USP24: variants seen among roughly 807,000 people sequenced by gnomAD.
USP24 encodes the protein ubiquitin specific peptidase 24.
USP24 carries 97 observed loss-of-function variants against 361.6 expected under a neutral mutation model. That is an observed-to-expected ratio of 0.27 (90% CI 0.23 to 0.32). USP24 has a LOEUF of 0.32. Among genes scored for constraint, USP24 ranks in the 10% least tolerant of loss-of-function variants. USP24 has a pLI of 1.00. For missense variants in USP24, 2,353 were observed against 3,165.6 expected, an observed-to-expected ratio of 0.74 and a Z score of 6.16; for synonymous variants, 1,098 against 1,124.6, an observed-to-expected ratio of 0.98 and a Z score of 0.47.
chr1:55,183,117 G>A (rs977821784), intron 1 of USP24, among the ~76,000 whole-genome samples: 1 of 152,062 alleles, frequency 6.6e-6, no homozygotes, highest in Non-Finnish European at 1.5e-5. Flanking sequence ...AAAACAACAT[G>A]GTATCCTGGA....
At chr1:55,191,514 G>A (rs548421206) in intron 1 of USP24, among the ~76,000 whole-genome samples, 1 of 128,878 alleles carries the variant, frequency 7.8e-6, no homozygotes, top group Non-Finnish European at 1.6e-5. Context: ...TTTTTGAGAT[G>A]GAGTCTCGCT....
chr1:55,117,986 G>A (rs1646170180), intron 38 of USP24, among the ~76,000 whole-genome samples: 6 of 152,152 alleles, frequency 3.9e-5, no homozygotes, highest in Admixed American at 3.9e-4. Flanking sequence ...AGAAATTAAA[G>A]ATGACATAAT....
chr1:55,196,890 G>A (rs1644434843), intron 1 of USP24, among the ~76,000 whole-genome samples: 1 of 152,178 alleles, frequency 6.6e-6, no homozygotes, highest in Admixed American at 6.5e-5. Flanking sequence ...TGCCAGCCCT[G>A]CTGCTACCCG....
intron 1 of USP24, among the ~76,000 whole-genome samples, chr1:55,182,967 C>T (rs1644019150): frequency 6.6e-6 from 1 of 152,262 alleles, no homozygotes; most frequent in Admixed American, 6.5e-5. Flanking sequence ...GATCTGCCCG[C>T]CTGGGCCTCC....
intron 26 of USP24, among the ~76,000 whole-genome samples, chr1:55,138,287 C>CA (rs1443254408): frequency 6.6e-6 from 1 of 152,154 alleles, no homozygotes; most frequent in East Asian, 1.9e-4. Context: ...AGTTTGTGCT[C>CA]AAATGTCACC....
intron 67 of USP24, chr1:55,071,338 A>T: frequency 3.0e-6 from 3 of 992,736 alleles, no homozygotes; most frequent in Non-Finnish European, 3.6e-6. Flanking sequence ...ATTGGTATTA[A>T]AGCTGTTTTT....
At chr1:55,159,721 A>C in intron 8 of USP24, 36 bp from the exon 9 acceptor site, 1 of 1,514,518 alleles carries the variant, frequency 6.6e-7, no homozygotes, top group Non-Finnish European at 9.0e-7. Context: ...AGAACTCCCG[A>C]AGCTGTCCCA....
rs1396356001 is a variant in USP24 at position 55,067,857 on chromosome 1, T to G, written c.*1188A>C. 1 of 152,248 alleles carries G rather than the reference T, an allele frequency of 6.6e-6. No homozygotes were observed. Among genetic ancestry groups the G allele is most frequent in the East Asian group, 1.9e-4 (1 of 5,202 alleles). 9.4% of individuals were successfully genotyped at this position (152,248 alleles called of 1,614,324 possible). On this transcript the variant is annotated 3_prime_UTR_variant, in exon 68 of 68. Transcript: ENST00000294383. ...CCCCCACACCATAAAAGGGAGCTGG[T>G]ATAAATGAGTGAATGGTGCTATACT...
intron 38 of USP24, among the ~76,000 whole-genome samples, chr1:55,116,361 A>T (rs1036859839): frequency 1.3e-5 from 2 of 152,016 alleles, no homozygotes; most frequent in Non-Finnish European, 2.9e-5. Flanking sequence ...GAAAAAAAAA[A>T]ATCAATGAAA....
At chr1:55,151,307 G>A (rs542757464) in intron 16 of USP24, among the ~76,000 whole-genome samples, 1 of 152,268 alleles carries the variant, frequency 6.6e-6, no homozygotes, top group African/African-American at 2.4e-5. Flanking sequence ...TTTTGCTTGG[G>A]AGGACAATTT....
intron 28 of USP24, among the ~76,000 whole-genome samples, chr1:55,135,441 C>T (rs548924380): frequency 1.4e-4 from 22 of 152,284 alleles, no homozygotes; most frequent in Non-Finnish European, 3.1e-4. Flanking sequence ...CTCATGTAAC[C>T]GATCTCAGTC....
At chr1:55,120,559 T>G in intron 38 of USP24, 37 bp downstream of exon 38, 1 of 1,503,438 alleles carries the variant, frequency 6.7e-7, no homozygotes, top group Non-Finnish European at 8.9e-7. Context: ...TTATCCTCTC[T>G]CTGTATAAGG....
At chr1:55,193,160 C>T (rs538064747) in intron 1 of USP24, among the ~76,000 whole-genome samples, 36 of 152,116 alleles carry the variant, frequency 2.4e-4, no homozygotes, top group Non-Finnish European at 2.2e-4. Context: ...CAACTACTTG[C>T]ATAGCATTTA....
intron 1 of USP24, among the ~76,000 whole-genome samples, chr1:55,195,036 C>T (rs567616145): frequency 4.0e-4 from 60 of 150,660 alleles, no homozygotes; most frequent in African/African-American, 1.4e-3. Flanking sequence ...CAAAACAAAA[C>T]GAAAACCCTA....
At position 55,129,577 on chromosome 1, in the gene USP24, A is replaced by C; in HGVS notation, c.3538-3T>G. The C allele has an allele frequency of 6.2e-7, 1 of 1,612,962 alleles. No individual in the cohort carries two copies. Among genetic ancestry groups the C allele is most frequent in the Non-Finnish European group, 8.5e-7 (1 of 1,179,128 alleles). ...GGCATGAGTTTGGAGCTTAGAACCT[A>C]GGGAACAGATAAGCACAATTATTCA... On this transcript the variant is annotated splice_polypyrimidine_tract_variant and splice_region_variant and intron_variant, in intron 31 of 67. Transcript: ENST00000294383.
In USP24 at chr1:55,178,087, G is replaced by C. The variant is rs1226279612; in HGVS notation, c.370C>G (p.Pro124Ala). ...GNCSGEGIEF[P>A]TTNLYELESR... ...TCCAGTTCATATAAATTTGTTGTAG[G>C]GAATTCAATTCCTTCCCCTGAGCAG... Residue 124 changes from proline (P) to alanine (A), a missense_variant, in exon 2 of 68, where the codon CCT (proline) becomes GCT (alanine). By Grantham distance (27) the Pro-to-Ala change is conservative. This residue lies in a region of USP24 where 253 missense variants were observed against 255.3 expected (regional missense o/e 0.99). Transcript: ENST00000294383. The C allele has an allele frequency of 1.9e-6, 3 of 1,551,298 alleles. No individual in the cohort carries two copies. The African/African-American group carries it at 4.1e-5, about 21-fold the overall frequency.
intron 7 of USP24, among the ~76,000 whole-genome samples, chr1:55,163,661 T>C (rs370796438): frequency 1.1e-4 from 17 of 152,228 alleles, no homozygotes; most frequent in African/African-American, 4.1e-4. Context: ...AAAAAAGCTT[T>C]TTAGAAAGAC....
chr1:55,161,056 A>G (rs1194218267), intron 8 of USP24, among the ~76,000 whole-genome samples: 2 of 152,106 alleles, frequency 1.3e-5, no homozygotes, highest in African/African-American at 2.4e-5. Context: ...CTTGACATCT[A>G]AAGAAAGCAT....
chr1:55,094,869 G>A (rs1345947712), intron 51 of USP24, among the ~76,000 whole-genome samples: 1 of 151,956 alleles, frequency 6.6e-6, no homozygotes. Flanking sequence ...TGGGCCTGGT[G>A]CCCCTCGCCT....
Sources: allele counts gnomAD v4.1 joint callset (sites outside exome capture counted in the v4.1 genomes callset), GRCh38; gene constraint gnomAD v4.1.1; regional missense constraint gnomAD v4.1.1; transcripts MANE v1.5; gene names NCBI Gene and HGNC (gene_info 2026-07-23, HGNC 2026-07-21).